The following KCND2 variants were observed in gnomAD, a reference collection of about 807,000 sequenced individuals.
KCND2 encodes potassium voltage-gated channel subfamily D member 2, also known as A-type voltage-gated potassium channel KCND2.
KCND2 carries 16 observed loss-of-function variants against 54.4 expected under a neutral mutation model. That is an observed-to-expected ratio of 0.29 (90% confidence interval 0.20 to 0.45). The LOEUF (loss-of-function observed/expected upper bound fraction) is 0.45, where lower values mean the gene tolerates loss of function less well. KCND2 is among the 20% of genes least tolerant of loss of function. The pLI, the probability that KCND2 is intolerant of heterozygous loss-of-function variation, is 1.00. For missense variants in KCND2, 486 were observed against 824.2 expected, an observed-to-expected ratio of 0.59 and a Z score of 5.02; for synonymous variants, 317 against 310.7, an observed-to-expected ratio of 1.02 and a Z score of -0.21.
At chr7:120,678,929 G>A (rs1792106397) in intron 1 of KCND2, among the ~76,000 whole-genome samples, 1 of 151,256 alleles carries the variant, frequency 6.6e-6, no homozygotes, top group South Asian at 2.1e-4. Context: ...TACTTGTAAG[G>A]TAACAGTACT....
At chr7:120,747,370 C>G (rs1454310649) in intron 5 of KCND2, among the ~76,000 whole-genome samples, 1 of 152,034 alleles carries the variant, frequency 6.6e-6, no homozygotes, top group Non-Finnish European at 1.5e-5. Context: ...TTAAATAAAA[C>G]TTCTTTGCTC....
chr7:120,337,356 A>T (rs891793958), intron 1 of KCND2, among the ~76,000 whole-genome samples: 1 of 152,188 alleles, frequency 6.6e-6, no homozygotes, highest in East Asian at 1.9e-4. Flanking sequence ...TCAAGCAAAG[A>T]TTATCAAACC....
chr7:120,554,411 A>T (rs1189660170), intron 1 of KCND2, among the ~76,000 whole-genome samples: 2 of 150,466 alleles, frequency 1.3e-5, no homozygotes, highest in Non-Finnish European at 3.0e-5. Flanking sequence ...TTTTTTTTTT[A>T]ATTTATTTTT....
intron 1 of KCND2, among the ~76,000 whole-genome samples, chr7:120,477,880 C>T (rs1440702003): frequency 1.3e-5 from 2 of 152,144 alleles, no homozygotes; most frequent in Non-Finnish European, 2.9e-5. Context: ...ACAAGGCACG[C>T]AAACTGAAGT....
intron 1 of KCND2, among the ~76,000 whole-genome samples, chr7:120,279,578 A>AT (rs1799231439): frequency 6.6e-6 from 1 of 151,946 alleles, no homozygotes; most frequent in Admixed American, 6.6e-5. Context: ...TAAAAATTTA[A>AT]TTTGTATTAT....
chr7:120,336,866 A>G (rs939036726), intron 1 of KCND2, among the ~76,000 whole-genome samples: 6 of 152,126 alleles, frequency 3.9e-5, no homozygotes, highest in African/African-American at 1.4e-4. Context: ...ACTCTCTTGA[A>G]CCCTAAAACA....
chr7:120,567,162 A>G (rs1376942675), intron 1 of KCND2, among the ~76,000 whole-genome samples: 1 of 152,128 alleles, frequency 6.6e-6, no homozygotes, highest in Non-Finnish European at 1.5e-5. Context: ...AACTAACACT[A>G]TTATTTTCCC....
intron 1 of KCND2, among the ~76,000 whole-genome samples, chr7:120,595,656 T>C (rs1170606983): frequency 2.7e-5 from 4 of 148,426 alleles, no homozygotes; most frequent in Non-Finnish European, 5.9e-5. Context: ...TGCTAATATC[T>C]CAAATACTGC....
intron 1 of KCND2, among the ~76,000 whole-genome samples, chr7:120,301,672 A>C (rs1213770488): frequency 6.6e-6 from 1 of 152,156 alleles, no homozygotes; most frequent in East Asian, 1.9e-4. Context: ...AATATACGAA[A>C]ATTTTATTAT....
intron 1 of KCND2, among the ~76,000 whole-genome samples, chr7:120,343,656 C>T (rs1800273237): frequency 6.6e-6 from 1 of 152,144 alleles, no homozygotes; most frequent in African/African-American, 2.4e-5. Context: ...TATTTGGAAA[C>T]TATCTTTTCA....
chr7:120,613,399 C>G (rs375394173), intron 1 of KCND2, among the ~76,000 whole-genome samples: 1 of 152,058 alleles, frequency 6.6e-6, no homozygotes, highest in African/African-American at 2.4e-5. Flanking sequence ...GGTGTAGTGG[C>G]GCACGCCTGT....
chr7:120,442,589 A>T (rs1801960233), intron 1 of KCND2, among the ~76,000 whole-genome samples: 1 of 152,120 alleles, frequency 6.6e-6, no homozygotes, highest in Non-Finnish European at 1.5e-5. Flanking sequence ...AGTATTGAAC[A>T]TCATGATTTA....
At chr7:120,381,018 T>A (rs1209506886) in intron 1 of KCND2, among the ~76,000 whole-genome samples, 5 of 152,100 alleles carry the variant, frequency 3.3e-5, no homozygotes. Context: ...GGCTCACACC[T>A]GTAATCTCAG....
At chr7:120,660,711 T>G (rs1280325713) in intron 1 of KCND2, among the ~76,000 whole-genome samples, 2 of 152,232 alleles carry the variant, frequency 1.3e-5, no homozygotes, top group East Asian at 3.8e-4. Context: ...ATAGGTTGTA[T>G]TATAGCATGC....
chr7:120,595,693 A>T (rs1792736175), intron 1 of KCND2, among the ~76,000 whole-genome samples: 1 of 150,812 alleles, frequency 6.6e-6, no homozygotes, highest in Admixed American at 6.7e-5. Flanking sequence ...GCTAAGTCCA[A>T]ACAATCTCAA....
At chr7:120,742,668 C>T in intron 4 of KCND2, 66 bp downstream of exon 4, 1 of 1,205,828 alleles carries the variant, frequency 8.3e-7, no homozygotes, top group Non-Finnish European at 1.2e-6. Context: ...TTTGTGCATA[C>T]TTAATGCTTC....
intron 1 of KCND2, among the ~76,000 whole-genome samples, chr7:120,638,994 C>A (rs2116526903): frequency 6.6e-6 from 1 of 152,248 alleles, no homozygotes. Flanking sequence ...CAGTGATATT[C>A]TCCTGCGAGT....
chr7:120,599,421 G>T (rs932288097), intron 1 of KCND2, among the ~76,000 whole-genome samples: 2 of 151,984 alleles, frequency 1.3e-5, no homozygotes, highest in East Asian at 1.9e-4. Context: ...CAGGCTTGGG[G>T]AGTTGGTATT....
At chr7:120,345,459 T>A (rs577547270) in intron 1 of KCND2, among the ~76,000 whole-genome samples, 1 of 152,296 alleles carries the variant, frequency 6.6e-6, no homozygotes, top group Admixed American at 6.5e-5. Context: ...AAGTTACATA[T>A]GTTCACATTG....
Sources: allele counts gnomAD v4.1 joint callset (sites outside exome capture counted in the v4.1 genomes callset), GRCh38; gene constraint gnomAD v4.1.1; transcripts MANE v1.5; gene names NCBI Gene and HGNC (gene_info 2026-07-23, HGNC 2026-07-21).